CAST: variants seen among roughly 807,000 people sequenced by gnomAD.
CAST encodes calpastatin, also known as MIR583 host.
Under a neutral mutation model 119.6 loss-of-function variants are expected in CAST, and 76 were observed. The observed-to-expected ratio is 0.64, with a 90% CI of 0.53 to 0.77. CAST has a LOEUF of 0.77. CAST is among the 30% of genes least tolerant of loss of function. The pLI is 0.00. For missense variants in CAST, 953 were observed against 946.5 expected (o/e 1.01, Z -0.09); for synonymous variants, 319 against 331.6 (o/e 0.96, Z 0.41).
chr5:96,512,392 G>A, the CAST span, among the ~76,000 whole-genome samples: 1 of 152,148 alleles, frequency 6.6e-6, no homozygotes. Flanking sequence ...CAATCAGTAG[G>A]CCACTTCGGA....
At chr5:96,173,042 T>G in the CAST span, among the ~76,000 whole-genome samples, 3 of 152,338 alleles carry the variant, frequency 2.0e-5, no homozygotes, top group African/African-American at 7.2e-5. Flanking sequence ...AAGTCCATGT[T>G]GCATATGGGT....
rs146594223 is a variant in CAST, at chr5:96,603,200, G to A, written c.61-72339G>A. Among the ~76,000 whole-genome samples the A allele has an allele frequency of 8.5e-5, 13 of 152,310 alleles. No individual in the cohort carries two copies. The East Asian group carries it at 2.1e-3, about 25-fold the overall frequency. ...AATGATATTTATTTAAGAATAGGGC[G>A]TTGTAATGGGAATATGGGAATACCC... On this transcript the variant is annotated intron_variant, in intron 1 of 11. Transcript: ENST00000505143.
At chr5:95,964,019 T>A in the CAST span, among the ~76,000 whole-genome samples, 1 of 152,336 alleles carries the variant, frequency 6.6e-6, no homozygotes, top group African/African-American at 2.4e-5. Context: ...TTTTAAAAAT[T>A]ATAATAGGAA....
At chr5:96,143,007 C>A in the CAST span, among the ~76,000 whole-genome samples, 1 of 152,152 alleles carries the variant, frequency 6.6e-6, no homozygotes, top group Non-Finnish European at 1.5e-5. Flanking sequence ...TGCTGACTTA[C>A]CAGATTCTTG....
the CAST span, among the ~76,000 whole-genome samples, chr5:95,990,188 C>T: frequency 6.6e-6 from 1 of 151,848 alleles, no homozygotes. Flanking sequence ...TCCCTTAAGC[C>T]TAGAAATGGA....
the CAST span, among the ~76,000 whole-genome samples, chr5:96,111,513 G>T: frequency 2.5e-3 from 383 of 152,258 alleles, 1 homozygote; most frequent in Non-Finnish European, 3.7e-3. Context: ...CACACAGTTG[G>T]TTCCTCTGGT....
chr5:96,440,641 T>A, the CAST span, among the ~76,000 whole-genome samples: 1 of 152,018 alleles, frequency 6.6e-6, no homozygotes, highest in African/African-American at 2.4e-5. Flanking sequence ...TTCTTCTGAC[T>A]CTCCAGTCAG....
chr5:96,767,605 A>C, intron 28 of CAST, 123 bp downstream of exon 28: 1 of 705,744 alleles, frequency 1.4e-6, no homozygotes, highest in Non-Finnish European at 2.4e-6. Context: ...TTGTCAAAGC[A>C]TGCATATAAA....
At chr5:96,354,076 G>C in the CAST span, among the ~76,000 whole-genome samples, 17 of 151,974 alleles carry the variant, frequency 1.1e-4, no homozygotes, top group Non-Finnish European at 2.5e-4. Context: ...TCAATACATT[G>C]GTAAACTTGG....
At chr5:96,655,405 G>C (rs1467933917) in intron 1 of CAST, among the ~76,000 whole-genome samples, 2 of 152,192 alleles carry the variant, frequency 1.3e-5, no homozygotes, top group African/African-American at 4.8e-5. Flanking sequence ...CCCAGGCAAA[G>C]AGAAGCTTTA....
At chr5:96,725,956 C>G (rs969120957) in intron 4 of CAST, among the ~76,000 whole-genome samples, 4 of 152,070 alleles carry the variant, frequency 2.6e-5, no homozygotes, top group Admixed American at 2.6e-4. Flanking sequence ...AGTGTGTTAG[C>G]CTAGCAAGGG....
the CAST span, among the ~76,000 whole-genome samples, chr5:96,169,967 C>T: frequency 8.6e-5 from 13 of 152,030 alleles, no homozygotes; most frequent in Admixed American, 3.9e-4. Flanking sequence ...GAAGCCTGGC[C>T]GTCAATACCC....
At chr5:96,412,220 A>G in the CAST span, 3 of 1,063,244 alleles carry the variant, frequency 2.8e-6, no homozygotes, top group Non-Finnish European at 4.4e-6. Flanking sequence ...TAAGAAATCC[A>G]CAACAATGTT....
At chr5:96,598,565 C>T (rs1747093316) in intron 1 of CAST, among the ~76,000 whole-genome samples, 1 of 152,140 alleles carries the variant, frequency 6.6e-6, no homozygotes. Flanking sequence ...TCCCACAGGA[C>T]AAATCAATAA....
chr5:96,018,244 GA>G, the CAST span, among the ~76,000 whole-genome samples: 1,139 of 152,234 alleles, frequency 7.5e-3, 15 homozygotes, highest in African/African-American at 0.027. Context: ...AAAAAATGCA[GA>G]AAAACTATTT....
At chr5:96,326,032 C>G in the CAST span, among the ~76,000 whole-genome samples, 1 of 152,196 alleles carries the variant, frequency 6.6e-6, no homozygotes, top group Non-Finnish European at 1.5e-5. Flanking sequence ...TCTTTTCACC[C>G]AACTTGCTCG....
At chr5:96,631,050 C>T (rs536716135) in intron 1 of CAST, 1 of 140,776 alleles carries the variant, frequency 7.1e-6, no homozygotes, top group Non-Finnish European at 1.6e-5. Context: ...TCTTCATTGT[C>T]CATTCACAGG....
At chr5:96,182,940 C>T in the CAST span, among the ~76,000 whole-genome samples, 1 of 151,972 alleles carries the variant, frequency 6.6e-6, no homozygotes, top group African/African-American at 2.4e-5. Context: ...AGATCGAGAC[C>T]ATCCTGGCTA....
intron 20 of CAST, 39 bp downstream of exon 20, chr5:96,750,721 A>C (rs1325056055): frequency 8.4e-7 from 1 of 1,192,664 alleles, no homozygotes; most frequent in Non-Finnish European, 1.3e-6. Flanking sequence ...TGGCTTGAGA[A>C]AGTTTTCTGC....
Sources: gnomAD v4.1 joint callset for allele counts (sites outside exome capture counted in the v4.1 genomes callset) on GRCh38, gnomAD v4.1.1 for gene constraint, MANE v1.5 for transcripts, NCBI Gene and HGNC (gene_info 2026-07-23, HGNC 2026-07-21) for gene names.